The following CDH13 variants were observed in gnomAD, a reference collection of about 807,000 sequenced individuals.
CDH13 encodes cadherin-13.
A neutral mutation model predicts 63.8 loss-of-function variants in CDH13; 24 were observed. That is an observed-to-expected ratio of 0.38 (90% CI 0.27 to 0.53). CDH13 has a LOEUF of 0.53. CDH13 is among the 20% of genes least tolerant of loss of function. The pLI, the probability that CDH13 is intolerant of heterozygous loss-of-function variation, is 0.85. For synonymous variants in CDH13, 503 were observed against 355.3 expected (o/e 1.42, Z -4.67); for missense variants, 1,049 against 903.1 (o/e 1.16, Z -2.07).
chr16:82,772,132 G>C (rs950868239), intron 1 of CDH13, among the ~76,000 whole-genome samples: 1 of 152,138 alleles, frequency 6.6e-6, no homozygotes, highest in Admixed American at 6.5e-5. Context: ...TAAATTGTTA[G>C]GAATTTTGCA....
At chr16:83,126,676 C>T (rs1015474532) in intron 4 of CDH13, among the ~76,000 whole-genome samples, 3 of 152,138 alleles carry the variant, frequency 2.0e-5, no homozygotes, top group African/African-American at 2.4e-5. Context: ...AGAAATTAAA[C>T]GTTTGAAAAG....
intron 1 of CDH13, among the ~76,000 whole-genome samples, chr16:82,845,530 C>T (rs912689436): frequency 3.3e-5 from 5 of 152,190 alleles, no homozygotes; most frequent in African/African-American, 9.7e-5. Flanking sequence ...GCTGACCCCT[C>T]AGATGACAGA....
At chr16:83,516,501 T>A (rs531039550) in intron 7 of CDH13, among the ~76,000 whole-genome samples, 5 of 152,200 alleles carry the variant, frequency 3.3e-5, no homozygotes, top group Non-Finnish European at 7.3e-5. Flanking sequence ...CAGAAAGCAA[T>A]TTGTGGGAAA....
At chr16:83,096,317 A>C (rs542622301) in intron 3 of CDH13, among the ~76,000 whole-genome samples, 1 of 152,152 alleles carries the variant, frequency 6.6e-6, no homozygotes, top group Non-Finnish European at 1.5e-5. Flanking sequence ...ACCAAATAGG[A>C]ATATATCAGA....
intron 3 of CDH13, among the ~76,000 whole-genome samples, chr16:83,091,193 C>G (rs2033889468): frequency 6.6e-6 from 1 of 151,836 alleles, no homozygotes; most frequent in African/African-American, 2.4e-5. Context: ...TTTCTTCCTT[C>G]TTTCCTTCCT....
intron 1 of CDH13, among the ~76,000 whole-genome samples, chr16:82,797,456 T>C (rs1309408564): frequency 6.6e-6 from 1 of 152,192 alleles, no homozygotes; most frequent in African/African-American, 2.4e-5. Context: ...AATTCATCAC[T>C]GCCTTCCTCA....
At chr16:83,311,515 T>C (rs897674347) in intron 5 of CDH13, among the ~76,000 whole-genome samples, 1 of 152,212 alleles carries the variant, frequency 6.6e-6, no homozygotes, top group Admixed American at 6.5e-5. Flanking sequence ...GTGGATTTTG[T>C]ATATACATAT....
chr16:83,476,560 C>G (rs747934242), intron 6 of CDH13, among the ~76,000 whole-genome samples: 12 of 152,168 alleles, frequency 7.9e-5, no homozygotes, highest in Non-Finnish European at 1.6e-4. Context: ...GCAATCCAAG[C>G]TACTTGGAAG....
intron 5 of CDH13, among the ~76,000 whole-genome samples, chr16:83,265,124 CTGTT>C (rs770960925): frequency 3.9e-5 from 6 of 152,148 alleles, no homozygotes; most frequent in Non-Finnish European, 5.9e-5. Flanking sequence ...CTCAAGTCGT[CTGTT>C]TGTTTGTTCT....
At position 83,125,450 on chromosome 16, in the gene CDH13, C is replaced by T. The variant is rs1416076141; in HGVS notation, c.432C>T (p.Pro144=). The part of the protein sequence containing the change: ...PRQKRSIVVS[P]ILIPENQRQP... ...AAAAGAGGTCCATTGTGGTATCTCC[C>T]ATTTTAATTCCAGAGAATCAGAGAC... The change falls in exon 4 of 14, where the codon CCC becomes CCT. Residue 144 remains proline, a synonymous_variant. Transcript: ENST00000567109. 1.2e-6 allele frequency: 2 copies of T among 1,612,316 alleles called. No individual in the cohort carries two copies. The highest frequency in any genetic ancestry group is 8.5e-7 in the Non-Finnish European group (1 of 1,178,456).
intron 2 of CDH13, among the ~76,000 whole-genome samples, chr16:82,905,819 C>G (rs8044380): frequency 0.01 from 1,572 of 152,178 alleles, 41 homozygotes; most frequent in African/African-American, 0.037. Flanking sequence ...TGTGGCATGT[C>G]TCGATTAGGA....
intron 2 of CDH13, among the ~76,000 whole-genome samples, chr16:82,896,469 T>A (rs958426868): frequency 8.1e-5 from 12 of 147,686 alleles, no homozygotes; most frequent in African/African-American, 2.5e-4. Flanking sequence ...AATTTTTGTA[T>A]TTTTTTTTTA....
At chr16:82,718,676 A>C (rs1400422715) in intron 1 of CDH13, among the ~76,000 whole-genome samples, 1 of 152,164 alleles carries the variant, frequency 6.6e-6, no homozygotes, top group Non-Finnish European at 1.5e-5. Flanking sequence ...GGCACATCTC[A>C]CATGGCAGCA....
intron 3 of CDH13, among the ~76,000 whole-genome samples, chr16:83,067,470 G>C (rs577284557): frequency 6.6e-6 from 1 of 152,296 alleles, no homozygotes; most frequent in Non-Finnish European, 1.5e-5. Context: ...TATAGTGTTT[G>C]AGACATGATT....
chr16:82,768,698 A>G (rs1170530468), intron 1 of CDH13, among the ~76,000 whole-genome samples: 1 of 152,216 alleles, frequency 6.6e-6, no homozygotes, highest in Non-Finnish European at 1.5e-5. Context: ...GTCTGTTTAC[A>G]GCTCAGCAAC....
At chr16:83,738,404 T>A (rs907630582) in intron 10 of CDH13, among the ~76,000 whole-genome samples, 9 of 152,366 alleles carry the variant, frequency 5.9e-5, no homozygotes, top group African/African-American at 1.9e-4. Flanking sequence ...AGTGCTTATC[T>A]CTGGAAGTGG....
Position 83,578,189 on chromosome 16 carries a change from G to A in CDH13, c.961-24265G>A, listed in dbSNP as rs368640891. On this transcript the variant is annotated intron_variant, in intron 7 of 13. Coordinates refer to ENST00000567109, the MANE Select transcript of CDH13 (RefSeq NM_001257.5). ...GAGTTTGTTTAAATGGTACCCGGGTGAAAATATATCGCTGGCTAGCCATTC... is the reference window on the plus strand; with the variant it reads ...GAGTTTGTTTAAATGGTACCCGGGTAAAAATATATCGCTGGCTAGCCATTC... Among the ~76,000 whole-genome samples the A allele has an allele frequency of 3.7e-3, 569 of 152,300 alleles. 3 individuals carry two copies. The highest frequency in any genetic ancestry group is 0.013 in the African/African-American group (552 of 41,560).
intron 5 of CDH13, among the ~76,000 whole-genome samples, chr16:83,273,753 C>G (rs753570044): frequency 6.6e-6 from 1 of 152,164 alleles, no homozygotes; most frequent in Non-Finnish European, 1.5e-5. Context: ...AGGGGCATTT[C>G]AATACTACAT....
At position 83,353,873 on chromosome 16, in the gene CDH13, C is replaced by G. The variant is rs77675075; in HGVS notation, c.781+8867C>G. Among the ~76,000 whole-genome samples, 1,297 of 152,328 alleles carry G rather than the reference C, an allele frequency of 8.5e-3. 18 individuals carry two copies. The highest frequency in any genetic ancestry group is 0.03 in the African/African-American group (1,239 of 41,582). On this transcript the variant is annotated intron_variant, in intron 6 of 13. Transcript: ENST00000567109. ...AATAAACGCTTAATAGCCCTGCCCA[C>G]TAATTTTTTGGATATGATATTTTAG...
Sources: allele counts gnomAD v4.1 joint callset (sites outside exome capture counted in the v4.1 genomes callset), GRCh38; gene constraint gnomAD v4.1.1; transcripts MANE v1.5; gene names NCBI Gene and HGNC (gene_info 2026-07-23, HGNC 2026-07-21).